Variants in HLA-DPA1 observed in about 807,000 individuals in gnomAD.
HLA-DPA1 encodes major histocompatibility complex, class II, DP alpha 1.
A neutral mutation model predicts 21.5 loss-of-function variants in HLA-DPA1; 20 were observed. That is an observed-to-expected ratio of 0.93 (90% confidence interval 0.66 to 1.35). The LOEUF is 1.35. Among genes scored for constraint, HLA-DPA1 ranks in the 40% most tolerant of loss-of-function variants. The probability of loss-of-function intolerance (pLI) is 0.00; values close to 1 mark genes in which losing one functional copy is unlikely to be tolerated. For synonymous variants in HLA-DPA1, 123 were observed against 129.6 expected (o/e 0.95, Z 0.35); for missense variants, 279 against 323.0 (o/e 0.86, Z 1.05).
chr6:33,069,650 C>T, exon 3 of HLA-DPA1: 2 of 1,612,238 alleles, frequency 1.2e-6, no homozygotes, highest in South Asian at 1.1e-5. Context: ...CCGTTGGTGG[C>T]CTGAGTGTGG....
At chr6:33,070,169 C>T (rs751345627) in intron 2 of HLA-DPA1, among the ~76,000 whole-genome samples, 1 of 152,196 alleles carries the variant, frequency 6.6e-6, no homozygotes, top group Non-Finnish European at 1.5e-5. Context: ...TGACCCTACA[C>T]AATAGTAATA....
chr6:33,080,011 T>C lies in HLA-DPA1; in HGVS notation c.-100+669A>G, dbSNP rs1762751779. Among the ~76,000 whole-genome samples, 1 of 152,248 alleles carries C rather than the reference T, an allele frequency of 6.6e-6. No homozygotes were observed. Among genetic ancestry groups the C allele is most frequent in the African/African-American group, 2.4e-5 (1 of 41,464 alleles). On this transcript the variant is annotated intron_variant, in intron 1 of 5. Coordinates refer to ENST00000419277, the Ensembl canonical transcript of HLA-DPA1. This position sits in a 1 kb window ranked among gnomAD's most constrained non-coding sequence, Gnocchi z 4.3. The stretch of plus-strand genomic sequence containing the variant: ...TGTGTAAAATACTTTCCACATCTTT[T>C]GACACCAAGTCTTTCTGCAGCCATG...
At chr6:33,066,142 A>T (rs66518139) in intron 5 of HLA-DPA1, 1 of 151,872 alleles carries the variant, frequency 6.6e-6, no homozygotes, top group African/African-American at 2.4e-5. Context: ...TTATAGATAT[A>T]ATTATAAATG....
Position 33,080,668 on chromosome 6 carries a change from G to T in HLA-DPA1, c.-100+12C>A, listed in dbSNP as rs765998472. On this transcript the variant is annotated intron_variant, in intron 1 of 5. Transcript: ENST00000419277. This position sits in a 1 kb window ranked among gnomAD's most constrained non-coding sequence, Gnocchi z 4.3. ...CTCCGCTCATGTCCGCCCCCTCCCC[G>T]CAGAGAATTACCTTTTCCAGGGACG... 1.2e-6 allele frequency: 2 copies of T among 1,612,090 alleles called. No homozygotes were observed. The highest frequency in any genetic ancestry group is 8.5e-7 in the Non-Finnish European group (1 of 1,179,206).
rs562633363 is a variant in HLA-DPA1 at position 33,073,485 on chromosome 6, G to A, written c.86C>T (p.Ala29Val). 3.1e-6 allele frequency: 5 copies of A among 1,611,458 alleles called. No homozygotes were observed. The South Asian group carries it at 5.5e-5, about 18-fold the overall frequency. ...TGAGCACTCACCCTTGATGGCCCCA[G>A]CTCCTCGGAGACTCAGCAGGAAAGC... Residue 29 changes from alanine (A) to valine (V), a missense_variant, in exon 2 of 6, where the codon GCT becomes GTT. Ala to Val is a moderately conservative substitution (Grantham distance 64). Transcript: ENST00000419277.
At chr6:33,079,697 C>T (rs1762735095) in intron 1 of HLA-DPA1, 2 of 505,110 alleles carry the variant, frequency 4.0e-6, no homozygotes, top group East Asian at 5.6e-5. Context: ...GGTCCACAGC[C>T]TCAAGGAGCT....
chr6:33,069,452 T>G (rs1164344021), intron 3 of HLA-DPA1, 152 bp from the exon 3 acceptor site: 1 of 1,026,344 alleles, frequency 9.7e-7, no homozygotes, highest in Non-Finnish European at 1.4e-6. Context: ...CCAGCCTCAC[T>G]CTGCTCACCT....
chr6:33,072,758 C>T (rs1458244379), intron 2 of HLA-DPA1, among the ~76,000 whole-genome samples: 3 of 152,178 alleles, frequency 2.0e-5, no homozygotes, highest in Non-Finnish European at 4.4e-5. Flanking sequence ...GCATTCACTA[C>T]GGTCCATCTC....
exon 4 of HLA-DPA1, chr6:33,069,295 G>A: frequency 3.7e-6 from 6 of 1,611,980 alleles, no homozygotes; most frequent in Non-Finnish European, 4.2e-6. Context: ...GTCACCTCAG[G>A]GGGATCTGGA....
At chr6:33,071,065 G>T (rs542991715) in intron 2 of HLA-DPA1, among the ~76,000 whole-genome samples, 1 of 150,668 alleles carries the variant, frequency 6.6e-6, no homozygotes, top group Admixed American at 6.6e-5. Flanking sequence ...GGACTCTTCT[G>T]CTCTCACCTC....
intron 2 of HLA-DPA1, 105 bp from the exon 2 acceptor site, chr6:33,069,991 G>T (rs67984906): frequency 9.3e-7 from 1 of 1,075,408 alleles, no homozygotes; most frequent in Non-Finnish European, 1.3e-6. Flanking sequence ...AAAGGAAGAA[G>T]GTAAGAGGTC....
intron 1 of HLA-DPA1, among the ~76,000 whole-genome samples, chr6:33,075,228 T>A (rs1435839187): frequency 6.6e-6 from 1 of 152,234 alleles, no homozygotes; most frequent in Non-Finnish European, 1.5e-5. Flanking sequence ...GACCTATTGA[T>A]CTCATTTGAT....
intron 2 of HLA-DPA1, among the ~76,000 whole-genome samples, chr6:33,071,091 C>T (rs879704899): frequency 6.7e-6 from 1 of 150,366 alleles, no homozygotes; most frequent in Non-Finnish European, 1.5e-5. Flanking sequence ...TCACAGATTT[C>T]CCTGTGAGTT....
Position 33,069,448 on chromosome 6 carries a change from T to C in HLA-DPA1, c.347-148A>G, listed in dbSNP as rs544005536. The C allele has an allele frequency of 2.9e-6, 3 of 1,018,742 alleles. No homozygotes were observed. The South Asian group carries it at 4.8e-5, about 16-fold the overall frequency. 63.1% of individuals were successfully genotyped at this position (1,018,742 alleles called of 1,614,324 possible). A position where few individuals can be genotyped will look rare whatever the true frequency, so the allele number is the denominator to read the frequency against. ...AGGGGTATCACACCACTGACCAGCC[T>C]CACTCTGCTCACCTTTCTCTCTCCT... is the stretch of plus-strand genomic sequence containing the variant. On this transcript the variant is annotated intron_variant, in intron 3 of 5. Transcript: ENST00000419277.
At chr6:33,069,972 T>C (rs915634844) in intron 2 of HLA-DPA1, 86 bp from the exon 2 acceptor site, 22 of 1,273,268 alleles carry the variant, frequency 1.7e-5, no homozygotes, top group African/African-American at 3.2e-5. Context: ...TAAAGACTTA[T>C]GAATATAAAA....
At chr6:33,076,527 G>A (rs1006968274) in intron 1 of HLA-DPA1, among the ~76,000 whole-genome samples, 2 of 152,198 alleles carry the variant, frequency 1.3e-5, no homozygotes, top group African/African-American at 4.8e-5. Context: ...CCCTAAGCTG[G>A]AGTGTCCAGG....
At chr6:33,069,764 G>C (rs1157374385) in exon 3 of HLA-DPA1, 1 of 1,612,490 alleles carries the variant, frequency 6.2e-7, no homozygotes, top group African/African-American at 1.3e-5. Flanking sequence ...TCCTCCAGAT[G>C]CCAGACGGTC....
intron 1 of HLA-DPA1, among the ~76,000 whole-genome samples, chr6:33,079,297 G>A (rs1468137186): frequency 6.6e-6 from 1 of 152,254 alleles, no homozygotes; most frequent in Non-Finnish European, 1.5e-5. Context: ...TGATAATTCT[G>A]TGTAGACACA....
Position 33,080,636 on chromosome 6 carries a change from G to A in HLA-DPA1, c.-100+44C>T. The A allele has an allele frequency of 6.2e-7, 1 of 1,611,576 alleles. No homozygotes were observed. The highest frequency in any genetic ancestry group is 8.5e-7 in the Non-Finnish European group (1 of 1,178,744). ...GAGGGAGAAAGAGGATTAGATGAGAGTGGCGCCTCCGCTCATGTCCGCCCC... is the reference window on the plus strand; with the variant it reads ...GAGGGAGAAAGAGGATTAGATGAGAATGGCGCCTCCGCTCATGTCCGCCCC... On this transcript the variant is annotated intron_variant, in intron 1 of 5. Coordinates refer to ENST00000419277, the Ensembl canonical transcript of HLA-DPA1. This position sits in a 1 kb window ranked among gnomAD's most constrained non-coding sequence, Gnocchi z 4.3.
Sources: allele counts gnomAD v4.1 joint callset (sites outside exome capture counted in the v4.1 genomes callset), GRCh38; gene constraint gnomAD v4.1.1; non-coding constraint Gnocchi (gnomAD v3.1); transcripts MANE v1.5; gene names NCBI Gene and HGNC (gene_info 2026-07-23, HGNC 2026-07-21).